TOR1AIP1: variants seen among roughly 807,000 people sequenced by gnomAD.
The protein encoded by TOR1AIP1 is torsin 1A interacting protein 1, also known as torsin-1A-interacting protein 1.
TOR1AIP1 carries 54 observed loss-of-function variants against 63.3 expected under a neutral mutation model. That is an observed-to-expected ratio of 0.85 (90% CI 0.69 to 1.07). The LOEUF (loss-of-function observed/expected upper bound fraction) is 1.07. Among genes scored for constraint, TOR1AIP1 ranks in the 50% least tolerant of loss-of-function variants. The pLI is 0.00. For missense variants in TOR1AIP1, 736 were observed against 715.0 expected, an observed-to-expected ratio of 1.03 and a Z score of -0.33; for synonymous variants, 294 against 273.5, an observed-to-expected ratio of 1.07 and a Z score of -0.74.
At chr1:179,883,186 A>G in intron 1 of TOR1AIP1, 1 of 601,764 alleles carries the variant, frequency 1.7e-6, no homozygotes, top group Non-Finnish European at 2.9e-6. Flanking sequence ...GAGTGGAAAG[A>G]TGGTCGTGTG....
Position 179,915,628 on chromosome 1 carries a change from C to T in TOR1AIP1, c.964+1574C>T, listed in dbSNP as rs150368476. ...AAAACATTAGCTGGGAATGGTGGCA[C>T]GCACCTGTAATCCCAGCTACTTAGG... On this transcript the variant is annotated intron_variant, in intron 9 of 9. Transcript: ENST00000606911. Among the ~76,000 whole-genome samples, 801 of 152,180 alleles carry T rather than the reference C, an allele frequency of 5.3e-3. 9 individuals carry two copies. The highest frequency in any genetic ancestry group is 0.021 in the South Asian group (100 of 4,820).
chr1:179,883,724 A>G, intron 1 of TOR1AIP1: 1 of 456,108 alleles, frequency 2.2e-6, no homozygotes. Flanking sequence ...TATTAATTAG[A>G]GTTTTCGTCT....
At chr1:179,916,568 C>A (rs1400873790) in intron 9 of TOR1AIP1, among the ~76,000 whole-genome samples, 4 of 151,964 alleles carry the variant, frequency 2.6e-5, no homozygotes, top group African/African-American at 9.7e-5. Flanking sequence ...CCAATAGTAA[C>A]TAGGGATGAG....
chr1:179,889,115 AT>A (rs1227446782), intron 2 of TOR1AIP1, among the ~76,000 whole-genome samples, 197 bp from the exon 3 acceptor site: 1 of 152,218 alleles, frequency 6.6e-6, no homozygotes, highest in Non-Finnish European at 1.5e-5. Flanking sequence ...TAAATTTTAT[AT>A]GGCAGGAAAC....
At chr1:179,900,009 G>T (rs539529164) in intron 3 of TOR1AIP1, 117 bp from the exon 4 acceptor site, 2 of 692,812 alleles carry the variant, frequency 2.9e-6, no homozygotes, top group Admixed American at 2.8e-5. Flanking sequence ...TTTCCTAAAC[G>T]AGATGCTCTT....
chr1:179,915,641 C>G (rs1487585987), intron 9 of TOR1AIP1, among the ~76,000 whole-genome samples: 1 of 152,122 alleles, frequency 6.6e-6, no homozygotes, highest in Non-Finnish European at 1.5e-5. Flanking sequence ...ACCTGTAATC[C>G]CAGCTACTTA....
intron 8 of TOR1AIP1, chr1:179,913,693 T>G (rs995626112): frequency 4.6e-5 from 32 of 701,692 alleles, no homozygotes; most frequent in Non-Finnish European, 7.3e-5. Context: ...TCCCGGAAGT[T>G]TCACCAATCC....
In TOR1AIP1 at chr1:179,918,263, T is replaced by C. The variant is rs536987626; in HGVS notation, c.*24T>C. 7.1e-6 allele frequency: 11 copies of C among 1,553,488 alleles called. No homozygotes were observed. The highest frequency in any genetic ancestry group is 2.4e-5 in the South Asian group (2 of 83,408). On this transcript the variant is annotated 3_prime_UTR_variant, in exon 10 of 10. Coordinates refer to ENST00000606911, the MANE Select transcript of TOR1AIP1 (RefSeq NM_015602.4). Reference sequence around the variant, plus strand: ...AAGAAGTGAGAGAGAAGAAAAATCATGTCCCAAGTTCTGAGAATTGTTCAC... The same window carrying C: ...AAGAAGTGAGAGAGAAGAAAAATCACGTCCCAAGTTCTGAGAATTGTTCAC...
intron 3 of TOR1AIP1, among the ~76,000 whole-genome samples, chr1:179,892,567 C>T (rs1380634740): frequency 6.6e-6 from 1 of 151,918 alleles, no homozygotes; most frequent in Admixed American, 6.6e-5. Context: ...GAAACCCCGT[C>T]TCTACTAAAA....
At chr1:179,892,240 G>A (rs1352784986) in intron 3 of TOR1AIP1, among the ~76,000 whole-genome samples, 2 of 152,176 alleles carry the variant, frequency 1.3e-5, no homozygotes, top group East Asian at 3.9e-4. Flanking sequence ...GGGAGGCTGA[G>A]GTGGGCAGAT....
intron 3 of TOR1AIP1, among the ~76,000 whole-genome samples, chr1:179,893,272 A>C (rs1397898052): frequency 6.6e-6 from 1 of 151,946 alleles, no homozygotes; most frequent in East Asian, 1.9e-4. Flanking sequence ...AAACAAAAAA[A>C]AAAAAGTGAC....
chr1:179,895,138 T>C (rs1648223325), intron 3 of TOR1AIP1, among the ~76,000 whole-genome samples: 1 of 152,160 alleles, frequency 6.6e-6, no homozygotes, highest in South Asian at 2.1e-4. Context: ...TACTGGAAAA[T>C]ATAACACCTT....
intron 8 of TOR1AIP1, among the ~76,000 whole-genome samples, chr1:179,909,952 C>T (rs993240428): frequency 3.3e-5 from 5 of 152,040 alleles, no homozygotes; most frequent in African/African-American, 9.7e-5. Flanking sequence ...TTAGTAGAGA[C>T]GGGGTTTCGC....
In TOR1AIP1 at chr1:179,918,303, G is replaced by T; in HGVS notation, c.*64G>T. The T allele has an allele frequency of 6.8e-7, 1 of 1,468,838 alleles. No homozygotes were observed. The highest frequency in any genetic ancestry group is 1.4e-5 in the South Asian group (1 of 73,910). The allele number at this position is 1,468,838 out of a possible 1,614,324, so 91.0% of individuals were successfully genotyped here. ...GAATTGTTCACACTTTCTAACCAGA[G>T]ACAGAATTCAGAGCTCTTTTTGAAA... is the stretch of plus-strand genomic sequence containing the variant. On this transcript the variant is annotated 3_prime_UTR_variant, in exon 10 of 10. Coordinates refer to ENST00000606911, the MANE Select transcript of TOR1AIP1 (RefSeq NM_015602.4).
Position 179,882,634 on chromosome 1 carries a change from G to A in TOR1AIP1, c.132G>A (p.Ala44=), listed in dbSNP as rs1289158388. Residue 44 remains alanine (A), a synonymous_variant, in exon 1 of 10, where the codon GCG becomes GCA. Transcript: ENST00000606911. ...PQNGGSSDAP[A]YRTPPSRQGR... ...ATGGCGGCAGCAGCGATGCGCCTGC[G>A]TACAGAACTCCTCCGTCGCGCCAGG... 6.4e-7 allele frequency: 1 copy of A among 1,561,838 alleles called. No individual in the cohort carries two copies. Among genetic ancestry groups the A allele is most frequent in the Non-Finnish European group, 8.7e-7 (1 of 1,155,408 alleles).
chr1:179,904,884 C>T (rs1047218246), intron 6 of TOR1AIP1: 1 of 152,200 alleles, frequency 6.6e-6, no homozygotes, highest in Non-Finnish European at 1.5e-5. Context: ...ATCAGCCTCC[C>T]AAAATGCTGG....
chr1:179,915,219 A>G (rs537260776), intron 9 of TOR1AIP1, among the ~76,000 whole-genome samples: 15 of 152,338 alleles, frequency 9.8e-5, no homozygotes, highest in African/African-American at 3.6e-4. Flanking sequence ...CCAAAACTCA[A>G]CAAGTGGTAG....
intron 9 of TOR1AIP1, among the ~76,000 whole-genome samples, chr1:179,916,772 C>T (rs367754046): frequency 9.8e-5 from 13 of 132,542 alleles, no homozygotes; most frequent in African/African-American, 1.7e-4. Context: ...GGCGTGATCT[C>T]GGCTCACTGC....
rs1649078924 is a variant in TOR1AIP1, at chr1:179,918,030, G to C, written c.1543G>C (p.Glu515Gln). 5 of 1,614,108 alleles carry C rather than the reference G, an allele frequency of 3.1e-6. No individual in the cohort carries two copies. Among genetic ancestry groups the C allele is most frequent in the Non-Finnish European group, 4.2e-6 (5 of 1,180,052 alleles). Residue 515 changes from glutamate (E) to glutamine (Q), a missense_variant, in exon 10 of 10, where the codon GAG (glutamate) becomes CAG (glutamine). Physicochemically the swap from Glu to Gln is conservative, Grantham distance 29. This residue lies in a region of TOR1AIP1 where 272 missense variants were observed against 344.1 expected (regional missense o/e 0.79). Coordinates refer to ENST00000606911, the MANE Select transcript of TOR1AIP1 (RefSeq NM_015602.4). ...DVALVLTVLL[E>Q]EETLGTSLGL... ...AGCCTTAGTCCTGACTGTCTTATTG[G>C]AGGAAGAGACACTTGGAACAAGTCT...
Sources: allele counts gnomAD v4.1 joint callset (sites outside exome capture counted in the v4.1 genomes callset), GRCh38; gene constraint gnomAD v4.1.1; regional missense constraint gnomAD v4.1.1; transcripts MANE v1.5; gene names NCBI Gene and HGNC (gene_info 2026-07-23, HGNC 2026-07-21).